The following KIAA0930 variants were observed in gnomAD, a reference collection of about 807,000 sequenced individuals.
KIAA0930 encodes uncharacterized protein KIAA0930.
In KIAA0930, 24 loss-of-function variants were observed where a neutral mutation model predicts 43.9. The observed-to-expected ratio is 0.55, with a 90% CI of 0.40 to 0.77. The LOEUF (loss-of-function observed/expected upper bound fraction) is 0.77. Among genes scored for constraint, KIAA0930 ranks in the 30% least tolerant of loss-of-function variants. The pLI is 0.00. For synonymous variants in KIAA0930, 259 were observed against 216.4 expected, an observed-to-expected ratio of 1.20 and a Z score of -1.73; for missense variants, 461 against 574.2, an observed-to-expected ratio of 0.80 and a Z score of 2.02.
intron 1 of KIAA0930, among the ~76,000 whole-genome samples, chr22:45,235,811 T>C (rs2089493515): frequency 1.3e-5 from 2 of 152,216 alleles, no homozygotes; most frequent in South Asian, 4.1e-4. Context: ...ATGAGGACAC[T>C]GAGGCCCGAG....
rs2083508457 is a variant in KIAA0930, at chr22:45,193,489, A to G, written c.*3687T>C. The G allele has an allele frequency of 6.6e-6, 1 of 152,208 alleles. No individual in the cohort carries two copies. The highest frequency in any genetic ancestry group is 2.1e-4 in the South Asian group (1 of 4,822). The allele number at this position is 152,208 out of a possible 1,614,324, so 9.4% of individuals were successfully genotyped here. On this transcript the variant is annotated 3_prime_UTR_variant, in exon 10 of 10. Transcript: ENST00000336156. ...CTACTAACTAGTCTATTTATGATTAAAACAGCAAAAACAGATCCTGGTTTG... is the reference window on the plus strand; with the variant it reads ...CTACTAACTAGTCTATTTATGATTAGAACAGCAAAAACAGATCCTGGTTTG...
chr22:45,214,518 C>T (rs564384012), intron 1 of KIAA0930, among the ~76,000 whole-genome samples: 40 of 152,306 alleles, frequency 2.6e-4, no homozygotes, highest in African/African-American at 8.7e-4. Flanking sequence ...TCGGAAAAGG[C>T]GGAATCGTAG....
In KIAA0930 at chr22:45,195,209, G is replaced by A. The variant is rs377573537; in HGVS notation, c.*1967C>T. The A allele has an allele frequency of 2.0e-5, 3 of 152,256 alleles. No homozygotes were observed. The highest frequency in any genetic ancestry group is 1.9e-4 in the East Asian group (1 of 5,180). The allele number at this position is 152,256 out of a possible 1,614,324, so 9.4% of individuals were successfully genotyped here. A position where few individuals can be genotyped will look rare whatever the true frequency, so the allele number is the denominator to read the frequency against. On this transcript the variant is annotated 3_prime_UTR_variant, in exon 10 of 10. Transcript: ENST00000336156. ...ATCCAGCAGTGCTGGCCAAGCCTCCGAGCTTGGCCAAATGCTGGCCCCAGA... is the reference window on the plus strand; with the variant it reads ...ATCCAGCAGTGCTGGCCAAGCCTCCAAGCTTGGCCAAATGCTGGCCCCAGA...
intron 1 of KIAA0930, among the ~76,000 whole-genome samples, chr22:45,234,999 C>CT (rs3215445): frequency 0.38 from 57,066 of 151,260 alleles, 11,881 homozygotes; most frequent in South Asian, 0.48. Context: ...GTGCATGTGA[C>CT]TTTTTTTTTA....
In KIAA0930 at chr22:45,199,784, G is replaced by C. The variant is rs554765442; in HGVS notation, c.1015+89C>G. 5.3e-4 allele frequency: 658 copies of C among 1,251,118 alleles called. 3 individuals carry two copies. The highest frequency in any genetic ancestry group is 8.5e-5 in the Non-Finnish European group (78 of 922,946). 77.5% of individuals were successfully genotyped at this position (1,251,118 alleles called of 1,614,324 possible). On this transcript the variant is annotated intron_variant, in intron 8 of 9. Coordinates refer to ENST00000336156, the MANE Select transcript of KIAA0930 (RefSeq NM_001009880.2). The stretch of plus-strand genomic sequence containing the variant: ...TCTAAGTGCTGCTGAATGAACAAAT[G>C]AATGAATGAATAAATGAATGAATGA...
Position 45,197,134 on chromosome 22 carries a change from G to A in KIAA0930, c.*42C>T, listed in dbSNP as rs553643140. The A allele has an allele frequency of 1.3e-6, 2 of 1,513,458 alleles. No homozygotes were observed. The highest frequency in any genetic ancestry group is 2.1e-5 in the Admixed American group (1 of 47,360). The allele number at this position is 1,513,458 out of a possible 1,614,324, so 93.8% of individuals were successfully genotyped here. A position where few individuals can be genotyped will look rare whatever the true frequency, so the allele number is the denominator to read the frequency against. Reference sequence around the variant, plus strand: ...AGGTAGGCACTTGGCAGCACTCCGAGGGCTGGGCCCGGCCGGGGCTCTGCG... The same window carrying A: ...AGGTAGGCACTTGGCAGCACTCCGAAGGCTGGGCCCGGCCGGGGCTCTGCG... On this transcript the variant is annotated 3_prime_UTR_variant, in exon 10 of 10. Coordinates refer to ENST00000336156, the MANE Select transcript of KIAA0930 (RefSeq NM_001009880.2).
rs1336522346 is a variant in KIAA0930, at chr22:45,240,683, C to T, written c.21G>A (p.Glu7=). The change falls in exon 1 of 10, where the codon GAG becomes GAA. Residue 7 remains glutamate (E), a synonymous_variant. Transcript: ENST00000336156. The part of the protein sequence containing the change: MLRAIA[E]ERGRLSLRRE... ...GGCGCAGGCTAAGACGGCCGCGCTC[C>T]TCCGCTATGGCACGCAGCATGTGCT... 2 of 1,521,184 alleles carry T rather than the reference C, an allele frequency of 1.3e-6. No homozygotes were observed. Among genetic ancestry groups the T allele is most frequent in the African/African-American group, 2.8e-5 (2 of 71,922 alleles). 94.2% of individuals were successfully genotyped at this position (1,521,184 alleles called of 1,614,324 possible). A position where few individuals can be genotyped will look rare whatever the true frequency, so the allele number is the denominator to read the frequency against.
intron 1 of KIAA0930, chr22:45,235,543 G>GGCCCCAAGGAGC (rs61483056): frequency 0.36 from 54,036 of 151,528 alleles, 10,757 homozygotes; most frequent in South Asian, 0.49. Flanking sequence ...GGGGTTGGAG[G>GGCCCCAAGGAGC]GCCCCAAGGA....
At chr22:45,218,735 A>G (rs2083748975) in intron 1 of KIAA0930, among the ~76,000 whole-genome samples, 1 of 152,110 alleles carries the variant, frequency 6.6e-6, no homozygotes, top group Non-Finnish European at 1.5e-5. Flanking sequence ...GGATTCTCCC[A>G]GCTATGTTAC....
At chr22:45,229,904 G>A (rs1221072424) in intron 1 of KIAA0930, among the ~76,000 whole-genome samples, 1 of 152,338 alleles carries the variant, frequency 6.6e-6, no homozygotes, top group East Asian at 1.9e-4. Context: ...GACCAGCCTG[G>A]CCAACATGGC....
chr22:45,233,664 G>T (rs867338641), intron 1 of KIAA0930, among the ~76,000 whole-genome samples: 1 of 152,132 alleles, frequency 6.6e-6, no homozygotes, highest in African/African-American at 2.4e-5. Context: ...CGCTGGGAGG[G>T]TGGGCAGGAC....
At chr22:45,203,635 A>G (rs1172424060) in intron 6 of KIAA0930, among the ~76,000 whole-genome samples, 3 of 152,162 alleles carry the variant, frequency 2.0e-5, no homozygotes, top group East Asian at 1.9e-4. Flanking sequence ...GATGAAGGCA[A>G]GTGGCCCGCA....
At chr22:45,232,066 G>A (rs1321341434) in intron 1 of KIAA0930, among the ~76,000 whole-genome samples, 1 of 152,148 alleles carries the variant, frequency 6.6e-6, no homozygotes, top group Non-Finnish European at 1.5e-5. Flanking sequence ...TATGAAGCAA[G>A]GTTTCAGAAA....
At chr22:45,221,070 C>T (rs2083764914) in intron 1 of KIAA0930, among the ~76,000 whole-genome samples, 1 of 152,198 alleles carries the variant, frequency 6.6e-6, no homozygotes, top group Non-Finnish European at 1.5e-5. Flanking sequence ...TCCTGACCTG[C>T]CCCCAGGCTC....
chr22:45,213,850 A>AT (rs1412526643), intron 1 of KIAA0930, among the ~76,000 whole-genome samples: 1 of 152,158 alleles, frequency 6.6e-6, no homozygotes, highest in Admixed American at 6.5e-5. Flanking sequence ...TATCTAGTAA[A>AT]AACACAAAAA....
chr22:45,240,688 C>T lies in KIAA0930; in HGVS notation c.16G>A (p.Ala6Thr), dbSNP rs756225221. Reference sequence around the variant, plus strand: ...AGGCTAAGACGGCCGCGCTCCTCCGCTATGGCACGCAGCATGTGCTGCAGC... The same window carrying T: ...AGGCTAAGACGGCCGCGCTCCTCCGTTATGGCACGCAGCATGTGCTGCAGC... MLRAI[A>T]EERGRLSLRR... Residue 6 changes from alanine to threonine, a missense_variant, in exon 1 of 10, where the codon GCG (alanine) becomes ACG (threonine). By Grantham distance (58) the Ala-to-Thr change is moderately conservative. Coordinates refer to ENST00000336156, the MANE Select transcript of KIAA0930 (RefSeq NM_001009880.2). The T allele has an allele frequency of 2.0e-6, 3 of 1,518,684 alleles. No homozygotes were observed. The South Asian group carries it at 3.6e-5, about 18-fold the overall frequency. The allele number at this position is 1,518,684 out of a possible 1,614,324, so 94.1% of individuals were successfully genotyped here. A position where few individuals can be genotyped will look rare whatever the true frequency, so the allele number is the denominator to read the frequency against.
intron 2 of KIAA0930, among the ~76,000 whole-genome samples, chr22:45,206,513 C>G (rs1189322070): frequency 2.0e-5 from 3 of 152,206 alleles, no homozygotes; most frequent in African/African-American, 7.2e-5. Flanking sequence ...CTACTGAGCT[C>G]TTAGTGGACG....
chr22:45,198,601 C>T (rs995256389), intron 8 of KIAA0930, among the ~76,000 whole-genome samples: 3 of 152,240 alleles, frequency 2.0e-5, no homozygotes, highest in Non-Finnish European at 4.4e-5. Flanking sequence ...CAGCCCTGCT[C>T]CCTGCTGGGG....
At position 45,195,791 on chromosome 22, in the gene KIAA0930, T is replaced by TCA. The variant is rs1156864215; in HGVS notation, c.*1383_*1384dup. ...TGGGACTTCAGTGAGGTAGGTGGTA[T>TCA]CAGCCCCATTTCACAGGTGGGCAAA... On this transcript the variant is annotated 3_prime_UTR_variant, in exon 10 of 10. Transcript: ENST00000336156. The TCA allele has an allele frequency of 6.6e-6, 1 of 152,590 alleles. No individual in the cohort carries two copies. The highest frequency in any genetic ancestry group is 1.5e-5 in the Non-Finnish European group (1 of 68,060). The allele number at this position is 152,590 out of a possible 1,614,324, so 9.5% of individuals were successfully genotyped here.
Sources: allele counts gnomAD v4.1 joint callset (sites outside exome capture counted in the v4.1 genomes callset), GRCh38; gene constraint gnomAD v4.1.1; transcripts MANE v1.5; gene names NCBI Gene and HGNC (gene_info 2026-07-23, HGNC 2026-07-21).